PPP2R2B: variants seen among roughly 807,000 people sequenced by gnomAD.
PPP2R2B encodes serine/threonine-protein phosphatase 2A 55 kDa regulatory subunit B beta isoform.
Under a neutral mutation model 46.0 loss-of-function variants are expected in PPP2R2B, and 5 were observed. The ratio of observed to expected loss-of-function variants is 0.11; its 90% CI spans 0.06 to 0.23. The LOEUF (loss-of-function observed/expected upper bound fraction) is 0.23, where lower values mean the gene tolerates loss of function less well. Among genes scored for constraint, PPP2R2B ranks in the 10% least tolerant of loss-of-function variants. The pLI is 1.00. For synonymous variants in PPP2R2B, 215 were observed against 206.7 expected (o/e 1.04, Z -0.34); for missense variants, 367 against 575.0 (o/e 0.64, Z 3.70).
intron 1 of PPP2R2B, among the ~76,000 whole-genome samples, chr5:147,032,480 A>G (rs1017520022): frequency 2.0e-5 from 3 of 152,048 alleles, no homozygotes; most frequent in African/African-American, 7.2e-5. Context: ...ACTCTGCACC[A>G]TATTTATAGT....
At chr5:146,878,889 G>A (rs1244169532), upstream of PPP2R2B, 5 of 1,154,026 alleles carry the variant, frequency 4.3e-6, no homozygotes, top group African/African-American at 4.9e-5. This position sits in a 1 kb window ranked among gnomAD's most constrained non-coding sequence, Gnocchi z 4.5. Context: ...GCAGTGGGGC[G>A]CATGCAGCCG....
intron 5 of PPP2R2B, among the ~76,000 whole-genome samples, chr5:146,689,711 C>T (rs1409679070): frequency 2.6e-5 from 4 of 152,208 alleles, no homozygotes; most frequent in African/African-American, 7.2e-5. Flanking sequence ...TAATACTCTT[C>T]ACTACGCTAC....
chr5:146,878,668 G>T lies in PPP2R2B; in HGVS notation c.-202C>A. 1.6e-6 allele frequency: 2 copies of T among 1,284,706 alleles called. No individual in the cohort carries two copies. Among genetic ancestry groups the T allele is most frequent in the Non-Finnish European group, 1.0e-6 (1 of 986,668 alleles). The allele number at this position is 1,284,706 out of a possible 1,614,324, so 79.6% of individuals were successfully genotyped here. On this transcript the variant is annotated 5_prime_UTR_variant, in exon 1 of 10. Coordinates refer to ENST00000394411, the MANE Select transcript of PPP2R2B (RefSeq NM_181675.4). The surrounding 1 kb of genome is among the most constrained non-coding windows in gnomAD (Gnocchi z 4.5). ...GGTAGGGAAGCTGGCGGGGAGCTGG[G>T]CAGGGCGCTGCAGCCGGCGCCAGCG...
chr5:146,694,311 C>A (rs377569863), intron 4 of PPP2R2B, among the ~76,000 whole-genome samples: 120 of 152,244 alleles, frequency 7.9e-4, no homozygotes, highest in African/African-American at 2.7e-3. Flanking sequence ...TACCGAACTG[C>A]TTTTTAGGGT....
chr5:146,850,625 T>C (rs1760289136), intron 2 of PPP2R2B, among the ~76,000 whole-genome samples: 3 of 152,154 alleles, frequency 2.0e-5, no homozygotes, highest in African/African-American at 7.2e-5. Flanking sequence ...ACTCTTATTA[T>C]GACTTTCGGA....
chr5:146,759,786 T>TC (rs1754050035), intron 2 of PPP2R2B, among the ~76,000 whole-genome samples: 1 of 150,830 alleles, frequency 6.6e-6, no homozygotes, highest in Non-Finnish European at 1.5e-5. Context: ...TGACGGAGGG[T>TC]ATAAGAACAG....
intron 5 of PPP2R2B, among the ~76,000 whole-genome samples, chr5:146,674,491 A>C (rs920392021): frequency 1.1e-4 from 16 of 152,340 alleles, no homozygotes; most frequent in African/African-American, 3.6e-4. Flanking sequence ...CATGTGACTC[A>C]TTCCCTCAGC....
At chr5:146,962,216 T>C (rs1752201712) in intron 1 of PPP2R2B, among the ~76,000 whole-genome samples, 1 of 150,180 alleles carries the variant, frequency 6.7e-6, no homozygotes, top group Non-Finnish European at 1.5e-5. Flanking sequence ...GTTTTTTTCT[T>C]TGGGTCAGTT....
intron 2 of PPP2R2B, among the ~76,000 whole-genome samples, chr5:146,770,315 A>G (rs1052363190): frequency 9.0e-5 from 11 of 122,414 alleles, no homozygotes; most frequent in Admixed American, 8.4e-4. Context: ...TGGGTGACAG[A>G]GTGAGATTCC....
At chr5:146,922,705 C>T (rs1166446915) in intron 1 of PPP2R2B, 1 of 152,194 alleles carries the variant, frequency 6.6e-6, no homozygotes, top group Non-Finnish European at 1.5e-5. Context: ...GGAGGAAGTA[C>T]ACCCTACTCT....
At chr5:146,766,721 T>C (rs1167363184) in intron 2 of PPP2R2B, among the ~76,000 whole-genome samples, 1 of 152,092 alleles carries the variant, frequency 6.6e-6, no homozygotes, top group Non-Finnish European at 1.5e-5. Context: ...GAACAGTGAA[T>C]GCTACCACAA....
At chr5:146,998,466 T>C (rs1199127378) in intron 1 of PPP2R2B, among the ~76,000 whole-genome samples, 2 of 152,190 alleles carry the variant, frequency 1.3e-5, no homozygotes. Context: ...TTTGGGCAGA[T>C]GCAACTAAAT....
At chr5:146,979,214 T>C (rs1753052889) in intron 1 of PPP2R2B, among the ~76,000 whole-genome samples, 1 of 152,202 alleles carries the variant, frequency 6.6e-6, no homozygotes, top group South Asian at 2.1e-4. Context: ...GCTTGCTTTT[T>C]TACCTTCTTA....
intron 1 of PPP2R2B, among the ~76,000 whole-genome samples, chr5:146,996,794 C>A (rs1410658296): frequency 6.6e-6 from 1 of 152,052 alleles, no homozygotes; most frequent in East Asian, 1.9e-4. Flanking sequence ...TCATTAACAG[C>A]AAGGAACTCA....
At chr5:146,663,772 C>T (rs1297089336) in intron 5 of PPP2R2B, among the ~76,000 whole-genome samples, 1 of 152,070 alleles carries the variant, frequency 6.6e-6, no homozygotes, top group Non-Finnish European at 1.5e-5. Flanking sequence ...TTGATGGATG[C>T]TGATTGATCA....
Position 146,989,099 on chromosome 5 carries a change from C to T in PPP2R2B, c.79+66566G>A, listed in dbSNP as rs114799163. Among the ~76,000 whole-genome samples, 762 of 151,934 alleles carry T rather than the reference C, an allele frequency of 5.0e-3. 3 individuals carry two copies. Among genetic ancestry groups the T allele is most frequent in the African/African-American group, 0.017 (724 of 41,496 alleles). ...GACCAATAATGAGCAATGAGATAGG[C>T]ACAGTAATAAAAAGTCTCCCATCAA... is the stretch of plus-strand genomic sequence containing the variant. On this transcript the variant is annotated intron_variant, in intron 1 of 8. Coordinates refer to the PPP2R2B transcript ENST00000336640.
intron 1 of PPP2R2B, among the ~76,000 whole-genome samples, chr5:146,974,025 C>T (rs975812227): frequency 6.6e-6 from 1 of 152,018 alleles, no homozygotes; most frequent in Non-Finnish European, 1.5e-5. Context: ...TAAGGTTTTC[C>T]GTGTTATTGA....
intron 1 of PPP2R2B, among the ~76,000 whole-genome samples, chr5:146,997,904 C>A (rs894274538): frequency 2.0e-5 from 3 of 152,054 alleles, no homozygotes; most frequent in Admixed American, 6.6e-5. Context: ...GTTCCAAGAC[C>A]TACTCTTTCT....
intron 7 of PPP2R2B, among the ~76,000 whole-genome samples, chr5:146,629,808 CCCCTCT>C (rs767979976): frequency 2.5e-4 from 37 of 149,900 alleles, no homozygotes; most frequent in South Asian, 4.4e-4. Context: ...TTCTTTCCTT[CCCCTCT>C]CCCTCTCCCT....
Sources: allele counts gnomAD v4.1 joint callset (sites outside exome capture counted in the v4.1 genomes callset), GRCh38; gene constraint gnomAD v4.1.1; non-coding constraint Gnocchi (gnomAD v3.1); transcripts MANE v1.5; gene names NCBI Gene and HGNC (gene_info 2026-07-23, HGNC 2026-07-21).